The following RNF145 variants were observed in gnomAD, a reference collection of about 807,000 sequenced individuals.
RNF145 encodes ring finger protein 145.
A neutral mutation model predicts 57.3 loss-of-function variants in RNF145; 12 were observed. The observed-to-expected ratio is 0.21, with a 90% CI of 0.13 to 0.34. The LOEUF (loss-of-function observed/expected upper bound fraction) is 0.34. Among genes scored for constraint, RNF145 ranks in the 10% least tolerant of loss-of-function variants. The pLI is 1.00. For missense variants in RNF145, 429 were observed against 799.0 expected, an observed-to-expected ratio of 0.54 and a Z score of 5.58; for synonymous variants, 262 against 288.3, an observed-to-expected ratio of 0.91 and a Z score of 0.92.
At chr5:159,209,768 G>C, upstream of RNF145, 1 of 1,341,552 alleles carries the variant, frequency 7.5e-7, no homozygotes, top group East Asian at 2.5e-5. Context: ...ACACCTGGAC[G>C]CGCACTGTGA....
Position 159,158,741 on chromosome 5 carries a change from C to T in RNF145, c.1921G>A (p.Glu641Lys). ...TATTCTTTGGGGTCAAAAGCCCCTT[C>T]CTGGTTATCTGGTCGTCTGGCAATG... The part of the protein sequence containing the change: ...EYIARRPDNQ[E>K]GAFDPKEYPH... The change falls in exon 11 of 11, where the codon GAA (glutamate) becomes AAA (lysine). Residue 641 changes from glutamate (E) to lysine (K), a missense_variant. Physicochemically the swap from Glu to Lys is moderately conservative, Grantham distance 56. Around this residue, in one of 4 missense-constraint regions of RNF145, gnomAD observed 102 missense variants for 106.2 expected, o/e 0.96. Coordinates refer to ENST00000424310, the MANE Select transcript of RNF145 (RefSeq NM_001199383.2). 6.2e-7 allele frequency: 1 copy of T among 1,613,964 alleles called. No homozygotes were observed. The highest frequency in any genetic ancestry group is 8.5e-7 in the Non-Finnish European group (1 of 1,179,868).
chr5:159,199,753 T>C (rs1015742512), intron 2 of RNF145, among the ~76,000 whole-genome samples: 1 of 152,184 alleles, frequency 6.6e-6, no homozygotes, highest in Non-Finnish European at 1.5e-5. Flanking sequence ...CCATATCTAC[T>C]GTATGTATTC....
At chr5:159,188,574 C>G (rs1293387633) in intron 3 of RNF145, among the ~76,000 whole-genome samples, 1 of 152,050 alleles carries the variant, frequency 6.6e-6, no homozygotes, top group Non-Finnish European at 1.5e-5. Flanking sequence ...CGGATTAGCA[C>G]TAGAAAAATA....
At chr5:159,198,546 GGAAGT>G (rs528312711) in intron 2 of RNF145, among the ~76,000 whole-genome samples, 230 of 152,260 alleles carry the variant, frequency 1.5e-3, no homozygotes, top group African/African-American at 5.1e-3. Context: ...TTGAGAACAA[GGAAGT>G]GAAGATCTGA....
At chr5:159,183,298 AG>A in intron 3 of RNF145, among the ~76,000 whole-genome samples, 1 of 152,180 alleles carries the variant, frequency 6.6e-6, no homozygotes, top group East Asian at 1.9e-4. Context: ...TTTGCTCCTG[AG>A]GGGATATTCT....
chr5:159,175,702 A>G (rs775475523), intron 5 of RNF145, among the ~76,000 whole-genome samples: 2 of 152,156 alleles, frequency 1.3e-5, no homozygotes, highest in Non-Finnish European at 2.9e-5. Context: ...ATCACTGTGT[A>G]AGACGAAGAT....
In RNF145 at chr5:159,169,701, T is replaced by C. The variant is rs376322027; in HGVS notation, c.916A>G (p.Met306Val). The C allele has an allele frequency of 3.9e-5, 62 of 1,608,508 alleles. No individual in the cohort carries two copies. Among genetic ancestry groups the C allele is most frequent in the Non-Finnish European group, 5.0e-5 (59 of 1,178,298 alleles). Residue 306 changes from methionine (M) to valine (V), a missense_variant, in exon 7 of 11, where the codon ATG becomes GTG. Coordinates refer to ENST00000424310, the MANE Select transcript of RNF145 (RefSeq NM_001199383.2). ...TACCGATTCATGGCAGGATCATTCATGAAAGCTCGATAACCCTGCAAGTAA... is the reference window on the plus strand; with the variant it reads ...TACCGATTCATGGCAGGATCATTCACGAAAGCTCGATAACCCTGCAAGTAA... ...KFYLQGYRAF[M>V]NDPAMNRGMT...
intron 8 of RNF145, among the ~76,000 whole-genome samples, chr5:159,164,263 T>C (rs1784324270): frequency 6.6e-6 from 1 of 152,094 alleles, no homozygotes; most frequent in Admixed American, 6.5e-5. Context: ...TAATCAGAAA[T>C]TAAGGAACAA....
intron 3 of RNF145, among the ~76,000 whole-genome samples, chr5:159,184,403 G>A (rs1784993278): frequency 6.6e-6 from 1 of 152,060 alleles, no homozygotes; most frequent in Admixed American, 6.6e-5. Flanking sequence ...GAATACATAA[G>A]TGCTGGCACT....
chr5:159,197,553 TGA>T (rs1483831323), intron 2 of RNF145, among the ~76,000 whole-genome samples: 7 of 152,186 alleles, frequency 4.6e-5, no homozygotes, highest in Non-Finnish European at 5.9e-5. Context: ...AAGAAAACTT[TGA>T]GAGACAATGA....
intron 4 of RNF145, among the ~76,000 whole-genome samples, chr5:159,178,987 T>C (rs1784796673): frequency 1.3e-5 from 2 of 151,952 alleles, no homozygotes; most frequent in South Asian, 4.1e-4. Context: ...CATAAAGGCA[T>C]AAAGAAAAGA....
intron 10 of RNF145, among the ~76,000 whole-genome samples, chr5:159,159,576 T>A (rs980090440): frequency 1.3e-5 from 2 of 152,240 alleles, no homozygotes; most frequent in Non-Finnish European, 2.9e-5. Context: ...TTGGTCTATA[T>A]AAGCCAGTGT....
Position 159,169,010 on chromosome 5 carries a change from A to C in RNF145, c.984T>G (p.Thr328=), listed in dbSNP as rs1402338680. ...GVTLLILAVQ[T]GLIELQVVHR... ...GAACAACCTGCAGTTCTATCAGCCC[A>C]GTCTGCACTGCCAGGATTAACAGCG... The change falls in exon 8 of 11, where the codon ACT becomes ACG. Residue 328 remains threonine, a synonymous_variant. Transcript: ENST00000424310. 1.2e-6 allele frequency: 2 copies of C among 1,601,744 alleles called. No individual in the cohort carries two copies. Among genetic ancestry groups the C allele is most frequent in the Middle Eastern group, 1.7e-4 (1 of 6,036 alleles).
rs547356221 is a variant in RNF145 at position 159,206,559 on chromosome 5, C to G, written c.-40+2672G>C. On this transcript the variant is annotated intron_variant, in intron 1 of 10. Coordinates refer to ENST00000424310, the MANE Select transcript of RNF145 (RefSeq NM_001199383.2). ...ACTCACACCTGCCAAATCACTATATCATACAAACACGAAGTAAAATGGAGC... is the reference window on the plus strand; with the variant it reads ...ACTCACACCTGCCAAATCACTATATGATACAAACACGAAGTAAAATGGAGC... Among the ~76,000 whole-genome samples the G allele has an allele frequency of 3.3e-5, 5 of 152,264 alleles. No homozygotes were observed. The East Asian group carries it at 9.6e-4, about 29-fold the overall frequency.
chr5:159,179,275 A>C (rs947667508), intron 4 of RNF145, among the ~76,000 whole-genome samples: 1 of 152,046 alleles, frequency 6.6e-6, no homozygotes, highest in African/African-American at 2.4e-5. Flanking sequence ...TGTTAGTGGA[A>C]TTTCCCCTGA....
intron 6 of RNF145, among the ~76,000 whole-genome samples, chr5:159,171,303 A>T (rs1784547129): frequency 3.3e-5 from 5 of 152,210 alleles, no homozygotes. Context: ...AACCAACTAA[A>T]ATTTTACTTC....
chr5:159,204,335 G>A (rs575155015), intron 1 of RNF145, among the ~76,000 whole-genome samples: 6 of 151,920 alleles, frequency 3.9e-5, no homozygotes, highest in East Asian at 1.9e-4. Context: ...CATGGAAGAC[G>A]CCAGGCATTG....
intron 6 of RNF145, among the ~76,000 whole-genome samples, chr5:159,170,696 G>A (rs1784521453): frequency 6.6e-6 from 1 of 152,142 alleles, no homozygotes; most frequent in South Asian, 2.1e-4. Flanking sequence ...CAGGGCAAAA[G>A]CAATCCTCTC....
chr5:159,173,342 GA>G (rs1784615581), intron 6 of RNF145, among the ~76,000 whole-genome samples: 1 of 152,078 alleles, frequency 6.6e-6, no homozygotes, highest in South Asian at 2.1e-4. Flanking sequence ...AAAGCCGAAA[GA>G]TTGAACACCC....
Sources: gnomAD v4.1 joint callset for allele counts (sites outside exome capture counted in the v4.1 genomes callset) on GRCh38, gnomAD v4.1.1 for gene constraint, gnomAD v4.1.1 regional missense constraint, MANE v1.5 for transcripts, NCBI Gene and HGNC (gene_info 2026-07-23, HGNC 2026-07-21) for gene names.